ZNF398: variants seen among roughly 807,000 people sequenced by gnomAD.
The protein encoded by ZNF398 is zinc finger protein 398.
In ZNF398, 18 loss-of-function variants were observed where a neutral mutation model predicts 41.9. The observed-to-expected ratio is 0.43, with a 90% CI of 0.30 to 0.64. ZNF398 has a LOEUF of 0.64. Ranked by LOEUF, ZNF398 falls within the 30% of genes least tolerant of loss-of-function variation. The pLI is 0.14. For synonymous variants in ZNF398, 260 were observed against 308.8 expected, an observed-to-expected ratio of 0.84 and a Z score of 1.66; for missense variants, 669 against 822.8, an observed-to-expected ratio of 0.81 and a Z score of 2.29.
chr7:149,156,861 C>CAA (rs11400806), intron 2 of ZNF398, among the ~76,000 whole-genome samples: 4,673 of 141,072 alleles, frequency 0.033, 237 homozygotes, highest in African/African-American at 0.11. Flanking sequence ...AACTCCATTT[C>CAA]AAAAAAAAAA....
upstream of ZNF398, among the ~76,000 whole-genome samples, chr7:149,144,507 C>T (rs1231409396): frequency 6.6e-6 from 1 of 152,132 alleles, no homozygotes; most frequent in East Asian, 1.9e-4. Context: ...CAGGGTCCCA[C>T]CAGGTTGCCC....
At chr7:149,133,704 TACACAC>T (rs1554459646) in intron 2 of ZNF398, among the ~76,000 whole-genome samples, 3 of 74,010 alleles carry the variant, frequency 4.1e-5, no homozygotes, top group Non-Finnish European at 8.3e-5. Flanking sequence ...TATATATATA[TACACAC>T]ATATATATGT....
intron 4 of ZNF398, among the ~76,000 whole-genome samples, chr7:149,172,954 A>G (rs141661973): frequency 1.3e-5 from 2 of 152,302 alleles, no homozygotes; most frequent in East Asian, 3.9e-4. Context: ...ATTTAAAAAT[A>G]TTGCTAAGAA....
intron 2 of ZNF398, among the ~76,000 whole-genome samples, chr7:149,137,137 G>C (rs944754593): frequency 2.0e-5 from 3 of 152,142 alleles, no homozygotes; most frequent in Non-Finnish European, 4.4e-5. Context: ...AAAGTGCTGG[G>C]ATTACAGGTG....
chr7:149,137,770 G>A (rs1296639845), intron 2 of ZNF398, among the ~76,000 whole-genome samples: 1 of 150,896 alleles, frequency 6.6e-6, no homozygotes, highest in Non-Finnish European at 1.5e-5. Flanking sequence ...TATTTGTTTT[G>A]TCAAATCATT....
chr7:149,164,344 T>C (rs1795180188), intron 2 of ZNF398, among the ~76,000 whole-genome samples: 1 of 151,446 alleles, frequency 6.6e-6, no homozygotes, highest in Non-Finnish European at 1.5e-5. Flanking sequence ...GAGGCAGAGC[T>C]TTCAGTGAGC....
intron 1 of ZNF398, among the ~76,000 whole-genome samples, chr7:149,127,166 GGA>G (rs1294174970): frequency 2.0e-5 from 3 of 152,160 alleles, no homozygotes; most frequent in African/African-American, 7.2e-5. Context: ...GAGACAGAAA[GGA>G]GAGAGAGGGC....
chr7:149,131,387 C>A, intron 2 of ZNF398, among the ~76,000 whole-genome samples: 1 of 152,060 alleles, frequency 6.6e-6, no homozygotes, highest in East Asian at 1.9e-4. Context: ...ATGGGCAATT[C>A]TTTTAACATA....
At chr7:149,161,498 G>A (rs780050552) in intron 2 of ZNF398, among the ~76,000 whole-genome samples, 7 of 152,174 alleles carry the variant, frequency 4.6e-5, no homozygotes, top group African/African-American at 1.7e-4. Context: ...TCAGGAGGTC[G>A]AGGCTATAGT....
chr7:149,161,774 A>ACTTAGAAGAAATGAAG (rs1186931961), intron 2 of ZNF398, among the ~76,000 whole-genome samples: 1 of 151,634 alleles, frequency 6.6e-6, no homozygotes, highest in East Asian at 1.9e-4. Flanking sequence ...AAAGCTAAGG[A>ACTTAGAAGAAATGAAG]CTTAGAAGAA....
chr7:149,160,715 A>T (rs1004288955), intron 2 of ZNF398, among the ~76,000 whole-genome samples: 5 of 152,176 alleles, frequency 3.3e-5, no homozygotes, highest in African/African-American at 1.2e-4. Context: ...TGAATTAAGT[A>T]TGCTTTGCAT....
At chr7:149,151,069 C>A in intron 1 of ZNF398, 1 of 208,126 alleles carries the variant, frequency 4.8e-6, no homozygotes, top group Non-Finnish European at 9.1e-6. Context: ...AGCTGAAGGA[C>A]TGTGCTGAGG....
chr7:149,158,090 GAATAAA>G (rs1462160644), intron 2 of ZNF398, among the ~76,000 whole-genome samples: 4 of 151,518 alleles, frequency 2.6e-5, no homozygotes, highest in Non-Finnish European at 2.9e-5. Flanking sequence ...TCCAAAAAAC[GAATAAA>G]AATAAAAATC....
rs1795626925 is a variant in ZNF398, at chr7:149,182,976, C to T, written c.*3175C>T. Among the ~76,000 whole-genome samples the T allele has an allele frequency of 4.0e-5, 6 of 151,122 alleles. No homozygotes were observed. In the South Asian group the frequency reaches 1.3e-3, roughly 32 times the overall value. Reference sequence around the variant, plus strand: ...CATGTCTATCTCAACCAGGACCAGACCCTGTGACTTACTCGGTAATAACAG... The same window carrying T: ...CATGTCTATCTCAACCAGGACCAGATCCTGTGACTTACTCGGTAATAACAG... On this transcript the variant is annotated 3_prime_UTR_variant, in exon 6 of 6. Transcript: ENST00000475153.
chr7:149,166,231 A>G lies in ZNF398; in HGVS notation c.494A>G (p.Lys165Arg). 2 of 1,614,148 alleles carry G rather than the reference A, an allele frequency of 1.2e-6. No homozygotes were observed. The highest frequency in any genetic ancestry group is 1.7e-6 in the Non-Finnish European group (2 of 1,180,020). ...PEWEKLEEWQ[K>R]ELYKNIMKGN... ...TGGGAAAAATTAGAAGAATGGCAAA[A>G]GGAACTTTACAAGAATATCATGAAG... The change falls in exon 3 of 6, where the codon AAG (lysine) becomes AGG (arginine). Residue 165 changes from lysine (K) to arginine (R), a missense_variant. By Grantham distance (26) the Lys-to-Arg change is conservative. This residue lies in a region of ZNF398 where 169 missense variants were observed against 239.5 expected (regional missense o/e 0.71). Transcript: ENST00000475153.
At chr7:149,145,935 G>A (rs560178483), upstream of ZNF398, among the ~76,000 whole-genome samples, 1 of 140,368 alleles carries the variant, frequency 7.1e-6, no homozygotes, top group South Asian at 2.3e-4. Context: ...CTTTGTTCTC[G>A]CAGGTCCTTT....
chr7:149,160,472 C>A (rs963538969), intron 2 of ZNF398, among the ~76,000 whole-genome samples: 2 of 152,222 alleles, frequency 1.3e-5, no homozygotes, highest in African/African-American at 4.8e-5. Flanking sequence ...AGGCAGAATT[C>A]ACAGTCCTCC....
intron 2 of ZNF398, among the ~76,000 whole-genome samples, chr7:149,135,677 G>A (rs1826695876): frequency 6.6e-6 from 1 of 151,900 alleles, no homozygotes; most frequent in African/African-American, 2.4e-5. Context: ...TAATAGTCCG[G>A]GTGCGGTAGC....
intron 2 of ZNF398, among the ~76,000 whole-genome samples, chr7:149,158,878 G>A (rs1795040024): frequency 2.0e-5 from 3 of 151,288 alleles, no homozygotes. Context: ...AAGAATAATA[G>A]TAAAGGTAAG....
Sources: gnomAD v4.1 joint callset for allele counts (sites outside exome capture counted in the v4.1 genomes callset) on GRCh38, gnomAD v4.1.1 for gene constraint, gnomAD v4.1.1 regional missense constraint, MANE v1.5 for transcripts, NCBI Gene and HGNC (gene_info 2026-07-23, HGNC 2026-07-21) for gene names.